Variants in CBFA2T2 observed in about 807,000 individuals in gnomAD.
CBFA2T2 encodes the protein protein CBFA2T2.
Under a neutral mutation model 62.2 loss-of-function variants are expected in CBFA2T2, and 11 were observed. The observed-to-expected ratio is 0.18, with a 90% CI of 0.11 to 0.29. The LOEUF is 0.29. CBFA2T2 is among the 10% of genes least tolerant of loss of function. The pLI is 1.00. For synonymous variants in CBFA2T2, 295 were observed against 287.5 expected (o/e 1.03, Z -0.27); for missense variants, 592 against 774.1 (o/e 0.76, Z 2.79).
intron 1 of CBFA2T2, among the ~76,000 whole-genome samples, chr20:33,590,352 C>G (rs1291575618): frequency 6.6e-6 from 1 of 151,746 alleles, no homozygotes; most frequent in African/African-American, 2.4e-5. Flanking sequence ...TTTTTAAGTA[C>G]CTGTTGGCCC....
intron 1 of CBFA2T2, among the ~76,000 whole-genome samples, chr20:33,582,399 A>C (rs2014159392): frequency 1.3e-5 from 2 of 151,676 alleles, no homozygotes; most frequent in African/African-American, 4.8e-5. Context: ...GAGGCAGGAT[A>C]ATCACTTGAA....
intron 1 of CBFA2T2, among the ~76,000 whole-genome samples, chr20:33,508,382 A>T (rs2011440552): frequency 6.6e-6 from 1 of 152,092 alleles, no homozygotes; most frequent in Admixed American, 6.6e-5. Flanking sequence ...GGTGTGAGCT[A>T]CTGCACCCCG....
intron 3 of CBFA2T2, 127 bp downstream of exon 3, chr20:33,611,462 C>T: frequency 9.7e-7 from 1 of 1,028,642 alleles, no homozygotes; most frequent in Non-Finnish European, 1.4e-6. Context: ...ACAGACTAGA[C>T]TAGTTATTGA....
At chr20:33,565,165 C>T (rs995555833) in intron 1 of CBFA2T2, among the ~76,000 whole-genome samples, 1 of 151,938 alleles carries the variant, frequency 6.6e-6, no homozygotes, top group African/African-American at 2.4e-5. Flanking sequence ...ATGATCTGCC[C>T]GCCTTGGCCT....
chr20:33,641,265 C>T (rs1306456091), intron 10 of CBFA2T2, among the ~76,000 whole-genome samples: 2 of 152,014 alleles, frequency 1.3e-5, no homozygotes, highest in Non-Finnish European at 2.9e-5. Flanking sequence ...ATCTCCTGAC[C>T]AGCACCTAGG....
At chr20:33,516,301 C>A (rs533945506) in intron 1 of CBFA2T2, among the ~76,000 whole-genome samples, 2 of 151,234 alleles carry the variant, frequency 1.3e-5, no homozygotes, top group Non-Finnish European at 2.9e-5. Flanking sequence ...GAAACCCCAT[C>A]TCTACTAAAA....
intron 2 of CBFA2T2, among the ~76,000 whole-genome samples, chr20:33,610,754 A>T (rs565711810): frequency 1.5e-4 from 23 of 152,298 alleles, no homozygotes; most frequent in Non-Finnish European, 2.6e-4. Flanking sequence ...TGAGTATCCC[A>T]TCACTGGAAA....
chr20:33,561,334 CAA>C (rs1344413458), intron 1 of CBFA2T2, among the ~76,000 whole-genome samples: 1 of 152,138 alleles, frequency 6.6e-6, no homozygotes, highest in Non-Finnish European at 1.5e-5. Flanking sequence ...CTTGGCCTCC[CAA>C]AGTGTTGGGA....
intron 1 of CBFA2T2, among the ~76,000 whole-genome samples, chr20:33,582,680 A>G (rs2014174279): frequency 6.6e-6 from 1 of 151,960 alleles, no homozygotes; most frequent in Non-Finnish European, 1.5e-5. Context: ...GGTGACTCAC[A>G]CCTGTAATCC....
chr20:33,546,886 G>A (rs943491912), intron 1 of CBFA2T2, among the ~76,000 whole-genome samples: 2 of 151,898 alleles, frequency 1.3e-5, no homozygotes, highest in African/African-American at 4.8e-5. Flanking sequence ...GTTTCATTTC[G>A]GAGCCAGAGT....
chr20:33,522,823 G>A (rs1251190347), intron 1 of CBFA2T2, among the ~76,000 whole-genome samples: 1 of 152,146 alleles, frequency 6.6e-6, no homozygotes, highest in Non-Finnish European at 1.5e-5. Context: ...CCATTGAGAT[G>A]CATGAAGAGA....
chr20:33,512,216 G>A (rs143487256), intron 1 of CBFA2T2, among the ~76,000 whole-genome samples: 575 of 151,576 alleles, frequency 3.8e-3, no homozygotes, highest in Non-Finnish European at 6.7e-3. Flanking sequence ...GTGTGCAGGC[G>A]GTGTGCACCT....
At chr20:33,498,782 C>A (rs2011233069) in intron 1 of CBFA2T2, among the ~76,000 whole-genome samples, 1 of 151,808 alleles carries the variant, frequency 6.6e-6, no homozygotes, top group Non-Finnish European at 1.5e-5. Flanking sequence ...GTGGCTCATA[C>A]CTGTAACCCC....
At chr20:33,586,999 T>C (rs2014396159) in intron 1 of CBFA2T2, among the ~76,000 whole-genome samples, 1 of 152,154 alleles carries the variant, frequency 6.6e-6, no homozygotes, top group East Asian at 1.9e-4. Flanking sequence ...TGGAGTGCAA[T>C]AGTGTGATCA....
intron 1 of CBFA2T2, among the ~76,000 whole-genome samples, chr20:33,584,844 T>G (rs2014295013): frequency 6.6e-6 from 1 of 152,214 alleles, no homozygotes. Flanking sequence ...GCATTTACTA[T>G]ATACCAAAAC....
intron 1 of CBFA2T2, among the ~76,000 whole-genome samples, chr20:33,511,970 GAGTTTGAGA>G (rs1446855505): frequency 2.6e-5 from 4 of 152,194 alleles, no homozygotes; most frequent in African/African-American, 9.6e-5. Flanking sequence ...TTGAGGTCAG[GAGTTTGAGA>G]CCAGCCAGGC....
intron 1 of CBFA2T2, among the ~76,000 whole-genome samples, chr20:33,561,175 C>CTTTCTT (rs2013076799): frequency 1.3e-5 from 2 of 152,090 alleles, no homozygotes; most frequent in South Asian, 4.1e-4. Flanking sequence ...AGTGCCTGGC[C>CTTTCTT]TTTCTTTTTC....
intron 1 of CBFA2T2, among the ~76,000 whole-genome samples, chr20:33,499,956 A>ATTTATTT (rs1251930328): frequency 3.9e-5 from 6 of 152,010 alleles, no homozygotes; most frequent in African/African-American, 1.2e-4. Flanking sequence ...CCAAACACCC[A>ATTTATTT]TTTATTTTTT....
At chr20:33,509,490 G>A (rs1411407783) in intron 1 of CBFA2T2, among the ~76,000 whole-genome samples, 4 of 151,990 alleles carry the variant, frequency 2.6e-5, no homozygotes, top group African/African-American at 9.7e-5. Context: ...GAAACCTTTG[G>A]GGAAATAATC....
Sources: allele counts gnomAD v4.1 joint callset (sites outside exome capture counted in the v4.1 genomes callset), GRCh38; gene constraint gnomAD v4.1.1; transcripts MANE v1.5; gene names NCBI Gene and HGNC (gene_info 2026-07-23, HGNC 2026-07-21).